NFIB: variants seen among roughly 807,000 people sequenced by gnomAD.
The protein encoded by NFIB is nuclear factor I B.
A neutral mutation model predicts 61.5 loss-of-function variants in NFIB; 11 were observed. That is an observed-to-expected ratio of 0.18 (90% CI 0.11 to 0.30). The LOEUF (loss-of-function observed/expected upper bound fraction) is 0.30. NFIB is among the 10% of genes least tolerant of loss of function. NFIB has a pLI of 1.00. For missense variants in NFIB, 471 were observed against 608.9 expected, an observed-to-expected ratio of 0.77 and a Z score of 2.38; for synonymous variants, 260 against 216.5, an observed-to-expected ratio of 1.20 and a Z score of -1.76.
chr9:14,149,684 T>G (rs1190583242), intron 5 of NFIB, among the ~76,000 whole-genome samples: 1 of 152,198 alleles, frequency 6.6e-6, no homozygotes, highest in African/African-American at 2.4e-5. Context: ...ATTGAAGAAC[T>G]TGGCAAACTG....
At chr9:14,309,903 G>A (rs1287659159) in intron 1 of NFIB, among the ~76,000 whole-genome samples, 1 of 152,116 alleles carries the variant, frequency 6.6e-6, no homozygotes, top group Non-Finnish European at 1.5e-5. Flanking sequence ...TGGAGTGGGT[G>A]GGCTCTGTCT....
At chr9:14,374,464 C>A (rs1449644220) in intron 1 of NFIB, among the ~76,000 whole-genome samples, 3 of 152,186 alleles carry the variant, frequency 2.0e-5, no homozygotes, top group African/African-American at 7.2e-5. Context: ...CCCCTAGAGT[C>A]ATCTTGTGAG....
chr9:14,174,672 CAGG>C (rs1276386801), intron 3 of NFIB, among the ~76,000 whole-genome samples: 4 of 149,514 alleles, frequency 2.7e-5, no homozygotes, highest in East Asian at 4.0e-4. Flanking sequence ...GAGGCTGAGG[CAGG>C]AGAATTGCTT....
chr9:14,347,574 G>C (rs564609663), intron 1 of NFIB, among the ~76,000 whole-genome samples: 20 of 151,768 alleles, frequency 1.3e-4, no homozygotes, highest in Non-Finnish European at 2.1e-4. Flanking sequence ...AGTGAGCTGG[G>C]TGCGATTGGG....
chr9:14,188,332 A>G (rs1440390239), intron 2 of NFIB, among the ~76,000 whole-genome samples: 1 of 151,740 alleles, frequency 6.6e-6, no homozygotes, highest in Non-Finnish European at 1.5e-5. Flanking sequence ...TTTAAAAACA[A>G]GGCAAAGCAA....
chr9:14,196,807 G>C (rs774547948), intron 2 of NFIB, among the ~76,000 whole-genome samples: 1 of 151,914 alleles, frequency 6.6e-6, no homozygotes, highest in African/African-American at 2.4e-5. Context: ...TTCTTAGGCC[G>C]TTTATGTAAT....
chr9:14,476,650 C>A, the NFIB span, among the ~76,000 whole-genome samples: 2 of 152,110 alleles, frequency 1.3e-5, no homozygotes, highest in Admixed American at 6.5e-5. Context: ...ATTAACATTA[C>A]AAGGGAATTT....
At chr9:14,103,340 GT>G (rs2036051243) in intron 10 of NFIB, among the ~76,000 whole-genome samples, 1 of 145,372 alleles carries the variant, frequency 6.9e-6, no homozygotes, top group South Asian at 2.4e-4. Flanking sequence ...ACTTATCTGG[GT>G]TGGGGGGGGG....
chr9:14,087,287 T>C lies in NFIB; in HGVS notation c.*1022A>G, dbSNP rs372348947. ...AAGCACATGATTTGTCTTGATTTAA[T>C]GCCTTTTTAATGCCCTCAAAAACTG... On this transcript the variant is annotated 3_prime_UTR_variant, in exon 11 of 11. Transcript: ENST00000380953. The C allele has an allele frequency of 4.9e-6, 1 of 205,332 alleles. No homozygotes were observed. The highest frequency in any genetic ancestry group is 1.9e-4 in the South Asian group (1 of 5,282). The allele number at this position is 205,332 out of a possible 1,614,324, so 12.7% of individuals were successfully genotyped here. A position where few individuals can be genotyped will look rare whatever the true frequency, so the allele number is the denominator to read the frequency against.
the NFIB span, among the ~76,000 whole-genome samples, chr9:14,440,630 T>C: frequency 5.3e-5 from 8 of 152,202 alleles, no homozygotes; most frequent in Admixed American, 2.6e-4. Context: ...CTTGATAATC[T>C]TGTGATTCAA....
In NFIB at chr9:14,081,914, TTGAC is replaced by T; in HGVS notation, c.*6391_*6394del. On this transcript the variant is annotated 3_prime_UTR_variant, in exon 11 of 11. Transcript: ENST00000380953. Reference sequence around the variant, plus strand: ...TAGGAAATATATCCGCTTCCAGTAATTGACTGCAGTATGAGCAGCTGCTAGCAGT... The same window carrying T: ...TAGGAAATATATCCGCTTCCAGTAATTGCAGTATGAGCAGCTGCTAGCAGT... 1 of 197,204 alleles carries T rather than the reference TTGAC, an allele frequency of 5.1e-6. No individual in the cohort carries two copies. The highest frequency in any genetic ancestry group is 2.3e-5 in the African/African-American group (1 of 43,460). 12.2% of individuals were successfully genotyped at this position (197,204 alleles called of 1,614,324 possible).
chr9:14,221,537 C>T (rs1297856427), intron 2 of NFIB, among the ~76,000 whole-genome samples: 1 of 152,190 alleles, frequency 6.6e-6, no homozygotes, highest in African/African-American at 2.4e-5. Flanking sequence ...GTATATAAGA[C>T]CCCAAGGCTC....
intron 10 of NFIB, among the ~76,000 whole-genome samples, chr9:14,100,045 C>A (rs777569097): frequency 3.9e-4 from 60 of 152,060 alleles, no homozygotes; most frequent in Admixed American, 1.5e-3. Flanking sequence ...TGCACTCCAG[C>A]CTGGGTGAGG....
chr9:14,295,021 A>G (rs565874694), intron 2 of NFIB, among the ~76,000 whole-genome samples: 2 of 152,338 alleles, frequency 1.3e-5, no homozygotes, highest in African/African-American at 4.8e-5. Context: ...ACAGTTTCGT[A>G]AGAAGTAAAT....
At chr9:14,457,158 G>A in the NFIB span, among the ~76,000 whole-genome samples, 1 of 152,154 alleles carries the variant, frequency 6.6e-6, no homozygotes, top group Admixed American at 6.5e-5. Context: ...CGTAAGTACA[G>A]CATTTCTATG....
chr9:14,251,256 C>CT (rs2055576547), intron 2 of NFIB, among the ~76,000 whole-genome samples: 1 of 152,160 alleles, frequency 6.6e-6, no homozygotes, highest in Non-Finnish European at 1.5e-5. Context: ...AAGCTTTCAT[C>CT]TGATTGCATA....
the NFIB span, among the ~76,000 whole-genome samples, chr9:14,417,978 C>T: frequency 1.3e-5 from 2 of 151,964 alleles, no homozygotes; most frequent in Non-Finnish European, 2.9e-5. Flanking sequence ...GGGGTTTCAC[C>T]ATGTTGGTCA....
At chr9:14,428,453 T>G in the NFIB span, among the ~76,000 whole-genome samples, 8 of 152,060 alleles carry the variant, frequency 5.3e-5, no homozygotes, top group Admixed American at 4.6e-4. Flanking sequence ...TCAAGTTCCC[T>G]TATGTTTTGG....
chr9:14,358,988 G>A (rs1407972047), intron 1 of NFIB, among the ~76,000 whole-genome samples: 2 of 152,140 alleles, frequency 1.3e-5, no homozygotes, highest in Non-Finnish European at 2.9e-5. Context: ...GTTGGATCTG[G>A]TAGTAGAAAC....
Sources: gnomAD v4.1 joint callset for allele counts (sites outside exome capture counted in the v4.1 genomes callset) on GRCh38, gnomAD v4.1.1 for gene constraint, MANE v1.5 for transcripts, NCBI Gene and HGNC (gene_info 2026-07-23, HGNC 2026-07-21) for gene names.